LRRC4C: variants seen among roughly 807,000 people sequenced by gnomAD.
The protein encoded by LRRC4C is leucine rich repeat containing 4C.
A neutral mutation model predicts 33.6 loss-of-function variants in LRRC4C; 5 were observed. The ratio of observed to expected loss-of-function variants is 0.15; its 90% CI spans 0.08 to 0.31. The LOEUF (loss-of-function observed/expected upper bound fraction) is 0.31, where lower values mean the gene tolerates loss of function less well. Among genes scored for constraint, LRRC4C ranks in the 10% least tolerant of loss-of-function variants. LRRC4C has a pLI of 1.00. For missense variants in LRRC4C, 560 were observed against 796.7 expected (o/e 0.70, Z 3.58); for synonymous variants, 329 against 302.0 (o/e 1.09, Z -0.93).
At chr11:41,187,403 C>A (rs879399394) in intron 1 of LRRC4C, among the ~76,000 whole-genome samples, 1 of 152,062 alleles carries the variant, frequency 6.6e-6, no homozygotes, top group African/African-American at 2.4e-5. Flanking sequence ...ACCAGCAGAC[C>A]CAGCAGACCA....
intron 1 of LRRC4C, among the ~76,000 whole-genome samples, chr11:41,107,384 T>C (rs1941569502): frequency 6.6e-6 from 1 of 152,094 alleles, no homozygotes; most frequent in African/African-American, 2.4e-5. Flanking sequence ...GATATCGATC[T>C]AAAACATGAT....
Position 40,424,453 on chromosome 11 carries a change from G to A in LRRC4C, c.-269-104732C>T, listed in dbSNP as rs59183594. ...TTTAGGGCCTCATGAAATAAGAATT[G>A]TTTTGCAGTTATTTCTTACAGATTC... On this transcript the variant is annotated intron_variant, in intron 3 of 6. Coordinates refer to ENST00000528697, the MANE Select transcript of LRRC4C (RefSeq NM_001258419.2). Among the ~76,000 whole-genome samples the A allele has an allele frequency of 7.6e-3, 1,152 of 152,180 alleles. 13 individuals carry two copies. The highest frequency in any genetic ancestry group is 0.026 in the African/African-American group (1,088 of 41,528).
At chr11:40,713,335 C>A (rs2136612684) in intron 2 of LRRC4C, among the ~76,000 whole-genome samples, 1 of 152,116 alleles carries the variant, frequency 6.6e-6, no homozygotes, top group South Asian at 2.1e-4. Context: ...GTGAGCATGC[C>A]CTTTAGAAAA....
intron 1 of LRRC4C, among the ~76,000 whole-genome samples, chr11:41,126,085 G>A (rs1942725051): frequency 6.6e-6 from 1 of 152,006 alleles, no homozygotes; most frequent in Non-Finnish European, 1.5e-5. Flanking sequence ...TAATGCATGT[G>A]GGGCTTAATA....
chr11:40,544,815 T>C (rs540081051), intron 3 of LRRC4C, among the ~76,000 whole-genome samples: 5 of 152,224 alleles, frequency 3.3e-5, no homozygotes, highest in African/African-American at 1.2e-4. Context: ...CACTTTCATT[T>C]TTTTCTTTTT....
rs545207451 is a variant in LRRC4C, at chr11:40,602,042, A to T, written c.-270+46100T>A. Among the ~76,000 whole-genome samples the T allele has an allele frequency of 2.0e-5, 3 of 151,548 alleles. No homozygotes were observed. The East Asian group carries it at 5.9e-4, about 30-fold the overall frequency. ...CTTCTCTACTAAAAATACAAAAAAA[A>T]AATTTAGCTGGGTGTGGTGGCGCGT... On this transcript the variant is annotated intron_variant, in intron 3 of 6. Transcript: ENST00000528697.
intron 5 of LRRC4C, among the ~76,000 whole-genome samples, chr11:40,189,702 T>C (rs7924805): frequency 0.61 from 92,486 of 152,066 alleles, 28,475 homozygotes; most frequent in South Asian, 0.79. Context: ...TTTACTTAAA[T>C]AAGGCCTCTA....
At chr11:40,468,972 C>A (rs1590834101) in intron 3 of LRRC4C, among the ~76,000 whole-genome samples, 2 of 152,250 alleles carry the variant, frequency 1.3e-5, no homozygotes, top group South Asian at 4.1e-4. Context: ...TCTGTAAAAT[C>A]TGTAAAAATC....
intron 1 of LRRC4C, among the ~76,000 whole-genome samples, chr11:41,281,077 T>TG (rs1949653801): frequency 1.8e-5 from 1 of 54,424 alleles, no homozygotes; most frequent in Non-Finnish European, 3.4e-5. Context: ...TCTCTCTCTG[T>TG]CCTCTCTCTC....
At chr11:41,393,448 C>T (rs1025543644) in intron 1 of LRRC4C, among the ~76,000 whole-genome samples, 1 of 151,626 alleles carries the variant, frequency 6.6e-6, no homozygotes, top group Non-Finnish European at 1.5e-5. Flanking sequence ...TGTGCAATGT[C>T]TCAGTGAAGA....
intron 1 of LRRC4C, among the ~76,000 whole-genome samples, chr11:40,957,391 A>G (rs952921157): frequency 6.6e-6 from 1 of 151,704 alleles, no homozygotes; most frequent in Non-Finnish European, 1.5e-5. Flanking sequence ...AGTTTATCCA[A>G]TCAGGACACT....
At chr11:41,446,742 A>G (rs1387928858) in intron 1 of LRRC4C, among the ~76,000 whole-genome samples, 1 of 152,090 alleles carries the variant, frequency 6.6e-6, no homozygotes, top group Non-Finnish European at 1.5e-5. Flanking sequence ...GTCATATTGC[A>G]AAAGAATGCA....
chr11:40,790,381 T>C (rs2137373424), intron 2 of LRRC4C, among the ~76,000 whole-genome samples: 1 of 152,276 alleles, frequency 6.6e-6, no homozygotes, highest in East Asian at 1.9e-4. Context: ...TTAATAGAAA[T>C]CTGTGTTCCT....
chr11:40,348,712 T>C (rs950269117), intron 3 of LRRC4C, among the ~76,000 whole-genome samples: 1 of 152,180 alleles, frequency 6.6e-6, no homozygotes, highest in African/African-American at 2.4e-5. Flanking sequence ...CTGTAACTCT[T>C]TCTAATGACT....
rs1345620377 is a variant in LRRC4C, at chr11:40,637,300, A to G, written c.-270+10842T>C. The stretch of plus-strand genomic sequence containing the variant: ...AATTTGCCTACAGGCTTCAACGTCC[A>G]CCAATTCTATGGCAGGCAATCTCTA... On this transcript the variant is annotated intron_variant, in intron 3 of 6. Transcript: ENST00000528697. Among the ~76,000 whole-genome samples the G allele has an allele frequency of 2.0e-5, 3 of 152,178 alleles. No individual in the cohort carries two copies. The East Asian group carries it at 5.8e-4, about 29-fold the overall frequency.
At chr11:40,397,423 A>C (rs1461011052) in intron 3 of LRRC4C, among the ~76,000 whole-genome samples, 1 of 152,164 alleles carries the variant, frequency 6.6e-6, no homozygotes, top group Non-Finnish European at 1.5e-5. Flanking sequence ...AAAAAGAAAA[A>C]AACGTTTTAA....
At chr11:40,530,687 T>C (rs1473504911) in intron 3 of LRRC4C, among the ~76,000 whole-genome samples, 1 of 152,154 alleles carries the variant, frequency 6.6e-6, no homozygotes. Context: ...CAGACTGTGA[T>C]AGATGCTGTG....
intron 5 of LRRC4C, among the ~76,000 whole-genome samples, chr11:40,181,022 G>A (rs1378997127): frequency 6.6e-6 from 1 of 152,102 alleles, no homozygotes; most frequent in African/African-American, 2.4e-5. Context: ...ACCAAGGTAG[G>A]CACAATCTGG....
At chr11:41,250,716 A>G (rs1473072021) in intron 1 of LRRC4C, among the ~76,000 whole-genome samples, 4 of 152,178 alleles carry the variant, frequency 2.6e-5, no homozygotes, top group African/African-American at 7.2e-5. Context: ...CTCCATAACT[A>G]TTAACATAAA....
Sources: allele counts gnomAD v4.1 joint callset (sites outside exome capture counted in the v4.1 genomes callset), GRCh38; gene constraint gnomAD v4.1.1; transcripts MANE v1.5; gene names NCBI Gene and HGNC (gene_info 2026-07-23, HGNC 2026-07-21).